STK26: variants seen among roughly 807,000 people sequenced by gnomAD.
STK26 encodes the protein serine/threonine kinase 26.
A neutral mutation model predicts 34.7 loss-of-function variants in STK26; 14 were observed. That is an observed-to-expected ratio of 0.40 (90% confidence interval 0.27 to 0.63). STK26 has a LOEUF of 0.63. Ranked by LOEUF, STK26 falls within the 30% of genes least tolerant of loss-of-function variation. The probability of loss-of-function intolerance (pLI) is 0.38; values close to 1 mark genes in which losing one functional copy is unlikely to be tolerated. For synonymous variants in STK26, 100 were observed against 109.8 expected (o/e 0.91, Z 0.56); for missense variants, 226 against 309.1 (o/e 0.73, Z 2.02).
At chrX:132,062,318 AT>A (rs1927079581) in intron 3 of STK26, among the ~76,000 whole-genome samples, 1 of 112,210 alleles carries the variant, frequency 8.9e-6, no homozygotes, top group Non-Finnish European at 1.9e-5. Flanking sequence ...TATAGCTAAA[AT>A]AAAAAGGGTT....
chrX:132,023,498 G>A lies in STK26; in HGVS notation c.-110-10G>A. On this transcript the variant is annotated splice_polypyrimidine_tract_variant and intron_variant, in intron 1 of 11. Coordinates refer to ENST00000394334, the MANE Select transcript of STK26 (RefSeq NM_016542.4). ...CAGCCCAGTAACCCCACTTTTGTGT[G>A]TCCTCCCAGGCCCCGATCGAAAAGC... 1 of 925,033 alleles carries A rather than the reference G, an allele frequency of 1.1e-6. No homozygotes were observed. Among genetic ancestry groups the A allele is most frequent in the Non-Finnish European group, 1.5e-6 (1 of 655,661 alleles). The allele number at this position is 925,033 out of a possible 1,213,427, so 76.2% of individuals were successfully genotyped here.
intron 6 of STK26, 48 bp from the exon 7 acceptor site, chrX:132,069,425 ATATAT>A (rs1211521739): frequency 2.8e-5 from 3 of 109,070 alleles, no homozygotes; most frequent in African/African-American, 1.7e-4. Context: ...ATATATATAT[ATATAT>A]ATATATATAT....
At chrX:132,036,357 G>T (rs1381474858) in intron 2 of STK26, among the ~76,000 whole-genome samples, 1 of 112,436 alleles carries the variant, frequency 8.9e-6, no homozygotes, top group Non-Finnish European at 1.9e-5. Flanking sequence ...CACTTTGGGA[G>T]GCCAAGGTGG....
intron 3 of STK26, among the ~76,000 whole-genome samples, chrX:132,061,831 T>C (rs1284872948): frequency 9.0e-6 from 1 of 111,294 alleles, no homozygotes; most frequent in African/African-American, 3.3e-5. Context: ...AATTTTAAAT[T>C]GGACTCCTGA....
chrX:132,049,276 C>A (rs976266834), intron 2 of STK26, among the ~76,000 whole-genome samples: 1 of 112,327 alleles, frequency 8.9e-6, no homozygotes. Context: ...CATGAGCCAA[C>A]TGCACCTGGC....
chrX:132,045,636 G>A (rs963117473), intron 2 of STK26, among the ~76,000 whole-genome samples: 2 of 111,808 alleles, frequency 1.8e-5, no homozygotes, highest in Admixed American at 9.5e-5. Context: ...TGACTGTAAG[G>A]TCAGAGAGGA....
chrX:132,065,298 G>T (rs772133955), intron 4 of STK26, among the ~76,000 whole-genome samples: 84 of 111,679 alleles, frequency 7.5e-4, no homozygotes, highest in Non-Finnish European at 1.4e-3. Context: ...AGCTCTACAA[G>T]AAGCCTCTCA....
At chrX:132,073,198 C>G in intron 11 of STK26, 105 bp downstream of exon 11, 1 of 879,239 alleles carries the variant, frequency 1.1e-6, no homozygotes, top group Non-Finnish European at 1.6e-6. Flanking sequence ...TTATTCCTAA[C>G]AAAGTCACCT....
rs747782856 is a variant in STK26, at chrX:132,060,346, T to C, written c.274-3087T>C. Among the ~76,000 whole-genome samples the C allele has an allele frequency of 3.6e-5, 4 of 111,241 alleles. No homozygotes were observed. In the East Asian group the frequency reaches 1.1e-3, roughly 32 times the overall value. ...TTTGATAGGGGTTGGAAGGTGCAAG[T>C]GGGGTAGGGACACAGCATTCCAAGC... On this transcript the variant is annotated intron_variant, in intron 3 of 11. Transcript: ENST00000394334.
At chrX:132,066,788 T>C (rs764003313) in intron 4 of STK26, among the ~76,000 whole-genome samples, 2 of 112,013 alleles carry the variant, frequency 1.8e-5, no homozygotes, top group Non-Finnish European at 3.8e-5. Context: ...TTCAGAATGA[T>C]AGCTAGTAGG....
chrX:132,059,639 T>C (rs1173145341), intron 3 of STK26, among the ~76,000 whole-genome samples: 1 of 111,937 alleles, frequency 8.9e-6, no homozygotes, highest in African/African-American at 3.2e-5. Flanking sequence ...TCTTTAAATA[T>C]TTTTCTAGTT....
At chrX:132,067,898 C>T (rs1158540320) in intron 4 of STK26, among the ~76,000 whole-genome samples, 3 of 111,118 alleles carry the variant, frequency 2.7e-5, no homozygotes, top group Non-Finnish European at 3.8e-5. Flanking sequence ...TCTGTCATTA[C>T]GTAAGCATAT....
Position 132,068,403 on chromosome X carries a change from TC to T in STK26, c.440-7del, listed in dbSNP as rs746795491. Reference sequence around the variant, plus strand: ...GAGTTTTTTTTTGCTTTTCTTTTTTTCCTCCTAGCTGCCAATGTCTTGCTCT... The same window carrying T: ...GAGTTTTTTTTTGCTTTTCTTTTTTTCTCCTAGCTGCCAATGTCTTGCTCT... On this transcript the variant is annotated splice_region_variant and splice_polypyrimidine_tract_variant and intron_variant, in intron 5 of 11. Transcript: ENST00000394334. The T allele has an allele frequency of 1.0e-5, 12 of 1,201,163 alleles. No homozygotes were observed. The South Asian group carries it at 2.0e-4, about 20-fold the overall frequency.
intron 2 of STK26, among the ~76,000 whole-genome samples, chrX:132,045,934 T>C (rs1230468202): frequency 8.9e-6 from 1 of 112,462 alleles, no homozygotes; most frequent in African/African-American, 3.2e-5. Flanking sequence ...ATAACAGGAA[T>C]GTGAAGACCT....
intron 2 of STK26, among the ~76,000 whole-genome samples, chrX:132,036,632 A>T (rs771787037): frequency 1.5e-3 from 165 of 111,694 alleles, no homozygotes; most frequent in Non-Finnish European, 2.6e-3. Context: ...TTTAATTATC[A>T]CTAGAATCCC....
chrX:132,074,653 A>G lies in STK26; in HGVS notation c.*494A>G, dbSNP rs1053884403. On this transcript the variant is annotated 3_prime_UTR_variant, in exon 12 of 12. Coordinates refer to ENST00000394334, the MANE Select transcript of STK26 (RefSeq NM_016542.4). ...CCTTCTTAAAACAGAAAATTTAAGT[A>G]AAGTCTTTTAAATGAAACCTGTAAA... 1.8e-5 allele frequency: 2 copies of G among 111,208 alleles called. No homozygotes were observed. The highest frequency in any genetic ancestry group is 6.5e-5 in the African/African-American group (2 of 30,625). The allele number at this position is 111,208 out of a possible 1,213,427, so 9.2% of individuals were successfully genotyped here. A position where few individuals can be genotyped will look rare whatever the true frequency, so the allele number is the denominator to read the frequency against.
intron 2 of STK26, among the ~76,000 whole-genome samples, chrX:132,034,219 A>G (rs897642238): frequency 9.1e-5 from 9 of 99,371 alleles, no homozygotes; most frequent in Non-Finnish European, 1.8e-4. Flanking sequence ...GATTTGGTGT[A>G]GGTACCTATT....
rs1446283693 is a variant in STK26, at chrX:132,043,641, G to T, written c.43-10990G>T. The stretch of plus-strand genomic sequence containing the variant: ...TATTTCTATATGTATTTAGCACAAT[G>T]AAATTAAAAGAAATTTACAGCAGAG... On this transcript the variant is annotated intron_variant, in intron 2 of 11. Coordinates refer to ENST00000394334, the MANE Select transcript of STK26 (RefSeq NM_016542.4). Among the ~76,000 whole-genome samples the T allele has an allele frequency of 3.6e-5, 4 of 111,532 alleles. No homozygotes were observed. The East Asian group carries it at 8.4e-4, about 23-fold the overall frequency.
chrX:132,041,207 GGAAAGATGA>G, intron 2 of STK26, among the ~76,000 whole-genome samples: 1 of 111,283 alleles, frequency 9.0e-6, no homozygotes, highest in Non-Finnish European at 1.9e-5. Context: ...GAAATTCCAA[GGAAAGATGA>G]GTCAAGCCAG....
Sources: allele counts gnomAD v4.1 joint callset (sites outside exome capture counted in the v4.1 genomes callset), GRCh38; gene constraint gnomAD v4.1.1; transcripts MANE v1.5; gene names NCBI Gene and HGNC (gene_info 2026-07-23, HGNC 2026-07-21).